TMEM217: variants seen among roughly 807,000 people sequenced by gnomAD.
TMEM217 encodes the protein chromosome 6 open reading frame 128.
For missense variants in TMEM217, 204 were observed against 248.8 expected (o/e 0.82, Z 1.21); for synonymous variants, 76 against 88.3 (o/e 0.86, Z 0.78).
intron 1 of TMEM217, among the ~76,000 whole-genome samples, chr6:37,246,997 C>T (rs1765123508): frequency 6.6e-6 from 1 of 152,012 alleles, no homozygotes; most frequent in Non-Finnish European, 1.5e-5. Context: ...GGATTTCATT[C>T]TAAGTGTAGC....
chr6:37,230,625 GA>G (rs1764145920), intron 1 of TMEM217, among the ~76,000 whole-genome samples: 1 of 151,900 alleles, frequency 6.6e-6, no homozygotes, highest in Admixed American at 6.6e-5. Flanking sequence ...ACAAAATAAG[GA>G]AAAAAGCCTC....
intron 1 of TMEM217, among the ~76,000 whole-genome samples, chr6:37,226,212 C>T (rs1030892021): frequency 7.9e-5 from 12 of 151,790 alleles, no homozygotes; most frequent in Admixed American, 5.3e-4. Flanking sequence ...GAGATATCTC[C>T]CCTTTATCTC....
intron 1 of TMEM217, among the ~76,000 whole-genome samples, chr6:37,236,772 CAG>C (rs1357155970): frequency 3.3e-5 from 5 of 152,118 alleles, no homozygotes; most frequent in Non-Finnish European, 7.4e-5. Context: ...GGACTTCAGA[CAG>C]AGCACAGTTA....
At chr6:37,234,105 T>C (rs1438946074) in intron 1 of TMEM217, among the ~76,000 whole-genome samples, 4 of 129,822 alleles carry the variant, frequency 3.1e-5, no homozygotes, top group Non-Finnish European at 6.1e-5. Flanking sequence ...TAAATGCCTT[T>C]TTTTTTTTTT....
chr6:37,219,837 G>GTTTCAGGATATAACCA (rs1251315566), intron 1 of TMEM217, among the ~76,000 whole-genome samples: 2 of 152,168 alleles, frequency 1.3e-5, no homozygotes, highest in Non-Finnish European at 2.9e-5. Flanking sequence ...GAGTACAGAT[G>GTTTCAGGATATAACCA]TTTCAGGATA....
In TMEM217 at chr6:37,218,955, C is replaced by A. The variant is rs367675539; in HGVS notation, c.76G>T (p.Val26Leu). The change falls in exon 2 of 2, where the codon GTA (valine) becomes TTA (leucine). Residue 26 changes from valine (V) to leucine (L), a missense_variant. Physicochemically the swap from Val to Leu is conservative, Grantham distance 32. Coordinates refer to ENST00000357219, the Ensembl canonical transcript of TMEM217. Reference sequence around the variant, plus strand: ...TGTTCAAAGATGAGATACATGTCTACGGCCATGATGGTGAAGACCCCTGAC... The same window carrying A: ...TGTTCAAAGATGAGATACATGTCTAAGGCCATGATGGTGAAGACCCCTGAC... 24 of 1,614,076 alleles carry A rather than the reference C, an allele frequency of 1.5e-5. No individual in the cohort carries two copies. In the Admixed American group the frequency reaches 2.0e-4, roughly 13 times the overall value.
exon 2 of TMEM217, chr6:37,218,319 C>A: frequency 2.6e-6 from 3 of 1,153,090 alleles, no homozygotes; most frequent in Non-Finnish European, 3.6e-6. Context: ...CAGGTGTGTG[C>A]CGCCACGCCT....
intron 1 of TMEM217, among the ~76,000 whole-genome samples, chr6:37,219,573 T>C (rs1763401709): frequency 1.3e-5 from 2 of 151,992 alleles, no homozygotes; most frequent in South Asian, 4.1e-4. Flanking sequence ...AAACCCCATC[T>C]CTACAAAAAT....
chr6:37,257,788 C>T (rs1458896957), exon 1 of TMEM217: 2 of 985,670 alleles, frequency 2.0e-6, no homozygotes, highest in African/African-American at 1.6e-5. Context: ...AAGATGGCGT[C>T]CCCAGGAGCT....
At chr6:37,212,539 G>C (rs948504327) in exon 4 of TMEM217, 4 of 458,794 alleles carry the variant, frequency 8.7e-6, no homozygotes, top group Admixed American at 7.0e-5. Flanking sequence ...AAGGTTGTAT[G>C]CATGCTTGAC....
downstream of TMEM217, chr6:37,215,420 C>A: frequency 9.0e-7 from 1 of 1,108,360 alleles, no homozygotes; most frequent in Non-Finnish European, 1.2e-6. Flanking sequence ...ACTAAAGATA[C>A]AAAAATTAGC....
intron 1 of TMEM217, among the ~76,000 whole-genome samples, chr6:37,231,209 G>T (rs181521787): frequency 6.8e-6 from 1 of 147,534 alleles, no homozygotes; most frequent in African/African-American, 2.5e-5. Context: ...ACAGGTGCAA[G>T]CCACCATGCC....
At chr6:37,228,894 G>C (rs1764003247) in intron 1 of TMEM217, among the ~76,000 whole-genome samples, 1 of 151,720 alleles carries the variant, frequency 6.6e-6, no homozygotes. Context: ...CTACTCAGGA[G>C]GCCGAGGCAG....
In TMEM217 at chr6:37,212,356, G is replaced by A. The variant is rs141309081; in HGVS notation, c.*641C>T. The A allele has an allele frequency of 1.9e-3, 694 of 367,364 alleles. 1 individual carries two copies. Among genetic ancestry groups the A allele is most frequent in the African/African-American group, 0.014 (662 of 47,248 alleles). The allele number at this position is 367,364 out of a possible 1,614,324, so 22.8% of individuals were successfully genotyped here. On this transcript the variant is annotated 3_prime_UTR_variant, in exon 4 of 4. Transcript: ENST00000336655. The stretch of plus-strand genomic sequence containing the variant: ...ATCAACAGAAGACAGGCAGGGTAGG[G>A]AGGGTTCCATTGTTGAGGAACACCA...
At chr6:37,237,038 T>G (rs891351400) in intron 1 of TMEM217, among the ~76,000 whole-genome samples, 21 of 152,198 alleles carry the variant, frequency 1.4e-4, no homozygotes, top group African/African-American at 4.8e-4. Flanking sequence ...GCAAGCCAGA[T>G]GGAAGCTGTA....
At chr6:37,242,524 G>T (rs567049931) in intron 1 of TMEM217, among the ~76,000 whole-genome samples, 2 of 152,290 alleles carry the variant, frequency 1.3e-5, no homozygotes, top group South Asian at 4.1e-4. Flanking sequence ...AAAGAGAAAA[G>T]CCTGTCATGC....
At chr6:37,218,014 G>A in exon 2 of TMEM217, 1 of 991,566 alleles carries the variant, frequency 1.0e-6, no homozygotes, top group Non-Finnish European at 1.2e-6. Flanking sequence ...ATGTTCTCCT[G>A]AAAGAGTGGC....
intron 1 of TMEM217, among the ~76,000 whole-genome samples, chr6:37,229,916 G>T (rs932385288): frequency 2.6e-5 from 4 of 152,194 alleles, no homozygotes; most frequent in African/African-American, 7.2e-5. Context: ...GGTTTCACAA[G>T]GTAGAAATGG....
intron 1 of TMEM217, among the ~76,000 whole-genome samples, chr6:37,238,961 C>G (rs1229348025): frequency 6.6e-6 from 1 of 151,906 alleles, no homozygotes; most frequent in Non-Finnish European, 1.5e-5. Context: ...GAAACCCTGT[C>G]TCTACTAAAA....
Sources: gnomAD v4.1 joint callset for allele counts (sites outside exome capture counted in the v4.1 genomes callset) on GRCh38, gnomAD v4.1.1 for gene constraint, MANE v1.5 for transcripts, NCBI Gene and HGNC (gene_info 2026-07-23, HGNC 2026-07-21) for gene names.